Variants in FGGY observed in about 807,000 individuals in gnomAD.
FGGY encodes the protein FGGY carbohydrate kinase domain containing.
Under a neutral mutation model 71.3 loss-of-function variants are expected in FGGY, and 72 were observed. That is an observed-to-expected ratio of 1.01 (90% CI 0.84 to 1.23). The LOEUF (loss-of-function observed/expected upper bound fraction) is 1.23. Among genes scored for constraint, FGGY ranks in the 50% most tolerant of loss-of-function variants. The pLI, the probability that FGGY is intolerant of heterozygous loss-of-function variation, is 0.00. For synonymous variants in FGGY, 251 were observed against 250.3 expected (o/e 1.00, Z -0.02); for missense variants, 668 against 682.3 (o/e 0.98, Z 0.23).
chr1:59,597,497 C>G (rs545137559), intron 8 of FGGY, among the ~76,000 whole-genome samples: 1 of 152,102 alleles, frequency 6.6e-6, no homozygotes, highest in South Asian at 2.1e-4. Flanking sequence ...AAGATAGTGT[C>G]AAGTCTTTTA....
At chr1:59,304,685 C>T (rs957137642) in intron 1 of FGGY, among the ~76,000 whole-genome samples, 1 of 151,892 alleles carries the variant, frequency 6.6e-6, no homozygotes, top group Non-Finnish European at 1.5e-5. Context: ...AATATTATTT[C>T]TACCAGTCTG....
chr1:59,755,264 C>T (rs1168231916), intron 14 of FGGY: 1 of 152,192 alleles, frequency 6.6e-6, no homozygotes, highest in African/African-American at 2.4e-5. Context: ...TTTTAACATT[C>T]CGTCACGTGT....
intron 8 of FGGY, among the ~76,000 whole-genome samples, chr1:59,573,768 G>A (rs961463373): frequency 1.3e-5 from 2 of 152,056 alleles, no homozygotes; most frequent in African/African-American, 4.8e-5. Context: ...TTACCATTTG[G>A]AAAAGTGTTG....
At chr1:59,570,919 A>G (rs2095974701) in intron 8 of FGGY, among the ~76,000 whole-genome samples, 1 of 152,158 alleles carries the variant, frequency 6.6e-6, no homozygotes, top group Non-Finnish European at 1.5e-5. Flanking sequence ...ACACAGGTGC[A>G]CTTTGCATTT....
chr1:59,733,150 G>A (rs1347193026), intron 14 of FGGY: 1 of 154,330 alleles, frequency 6.5e-6, no homozygotes, highest in African/African-American at 2.4e-5. Flanking sequence ...TCCTCATGGA[G>A]TCCCCGGGCC....
intron 5 of FGGY, among the ~76,000 whole-genome samples, chr1:59,421,493 C>G (rs1299008419): frequency 6.9e-6 from 1 of 144,140 alleles, no homozygotes; most frequent in African/African-American, 2.6e-5. Flanking sequence ...CCCCCTCTCT[C>G]CCTCTCCCCC....
At chr1:59,379,694 C>T (rs551563972) in intron 5 of FGGY, among the ~76,000 whole-genome samples, 105 of 152,194 alleles carry the variant, frequency 6.9e-4, no homozygotes, top group South Asian at 2.1e-3. Flanking sequence ...ACTTCATAAA[C>T]TTTTAAACTT....
At chr1:59,368,087 T>G (rs148781308) in intron 4 of FGGY, among the ~76,000 whole-genome samples, 1 of 152,296 alleles carries the variant, frequency 6.6e-6, no homozygotes, top group East Asian at 1.9e-4. Context: ...ATAGAAAGAC[T>G]TAACTCATTC....
intron 15 of FGGY, among the ~76,000 whole-genome samples, chr1:59,761,632 G>C (rs972939343): frequency 1.3e-5 from 2 of 152,168 alleles, no homozygotes; most frequent in African/African-American, 2.4e-5. Flanking sequence ...CTGTTCTGCT[G>C]TCTGATTCAT....
At chr1:59,516,000 G>A (rs1334737315) in intron 7 of FGGY, among the ~76,000 whole-genome samples, 1 of 152,176 alleles carries the variant, frequency 6.6e-6, no homozygotes, top group Non-Finnish European at 1.5e-5. Flanking sequence ...AGCAGTGGCT[G>A]GGAAGGGCAC....
chr1:59,416,346 A>G (rs2064415440), intron 5 of FGGY, among the ~76,000 whole-genome samples: 1 of 152,200 alleles, frequency 6.6e-6, no homozygotes, highest in Non-Finnish European at 1.5e-5. Flanking sequence ...TCACAGTGGC[A>G]GGGAAAAGGA....
rs760815572 is a variant in FGGY at position 59,660,207 on chromosome 1, TCATGCCTG to T, written c.1222-9_1222-2del. ...TGACCATCTTCTTCTTTTCTTCCCT[TCATGCCTG>T]CAGGTCACCGGATTGAAACTGTCTC... On this transcript the variant is annotated splice_region_variant and splice_polypyrimidine_tract_variant and intron_variant, in intron 11 of 15. Transcript: ENST00000303721. 3 of 1,612,558 alleles carry T rather than the reference TCATGCCTG, an allele frequency of 1.9e-6. No homozygotes were observed. The highest frequency in any genetic ancestry group is 2.5e-6 in the Non-Finnish European group (3 of 1,179,266).
chr1:59,704,440 C>T (rs1356546681), intron 14 of FGGY, among the ~76,000 whole-genome samples: 1 of 152,114 alleles, frequency 6.6e-6, no homozygotes, highest in Admixed American at 6.5e-5. Flanking sequence ...CACTATTATG[C>T]GTTTTGTATG....
At chr1:59,528,282 A>T (rs1484250148) in intron 7 of FGGY, among the ~76,000 whole-genome samples, 1 of 152,226 alleles carries the variant, frequency 6.6e-6, no homozygotes. Flanking sequence ...TGAGCTGGAT[A>T]CTACCTGTTT....
At chr1:59,569,521 T>C (rs2095942438) in intron 8 of FGGY, among the ~76,000 whole-genome samples, 1 of 152,170 alleles carries the variant, frequency 6.6e-6, no homozygotes, top group South Asian at 2.1e-4. Flanking sequence ...GAGCTCTGCT[T>C]TTGTAAAAAG....
At chr1:59,660,679 G>A (rs2153958559) in intron 12 of FGGY, among the ~76,000 whole-genome samples, 1 of 152,278 alleles carries the variant, frequency 6.6e-6, no homozygotes, top group East Asian at 1.9e-4. Flanking sequence ...ATTCATGATA[G>A]GGGTCCTTTA....
Position 59,547,955 on chromosome 1 carries a change from G to A in FGGY, c.800-6169G>A, listed in dbSNP as rs748287269. Among the ~76,000 whole-genome samples the A allele has an allele frequency of 2.0e-4, 30 of 152,222 alleles. 1 individual carries two copies. The highest frequency in any genetic ancestry group is 3.7e-4 in the Non-Finnish European group (25 of 68,030). On this transcript the variant is annotated intron_variant, in intron 7 of 15. Coordinates refer to ENST00000303721, the MANE Select transcript of FGGY (RefSeq NM_018291.5). ...ACAAAAAATAGTGAGCTACTGCAGT[G>A]TGAAGACTTGCCCTGGCCTCCGTTT...
chr1:59,369,836 G>A (rs137957580), intron 4 of FGGY, among the ~76,000 whole-genome samples: 4,299 of 152,294 alleles, frequency 0.028, 222 homozygotes, highest in African/African-American at 0.098. Flanking sequence ...AACTCCAACA[G>A]ACCTGCAGCT....
At chr1:59,693,662 G>A (rs1286950831) in intron 14 of FGGY, among the ~76,000 whole-genome samples, 1 of 152,094 alleles carries the variant, frequency 6.6e-6, no homozygotes, top group Non-Finnish European at 1.5e-5. Flanking sequence ...AGGAGAAGAA[G>A]AGGAAGGAAG....
Sources: gnomAD v4.1 joint callset for allele counts (sites outside exome capture counted in the v4.1 genomes callset) on GRCh38, gnomAD v4.1.1 for gene constraint, MANE v1.5 for transcripts, NCBI Gene and HGNC (gene_info 2026-07-23, HGNC 2026-07-21) for gene names.